Variants in MCCC1 observed in about 807,000 individuals in gnomAD.
MCCC1 encodes methylcrotonoyl-CoA carboxylase subunit alpha, mitochondrial.
In MCCC1, 64 loss-of-function variants were observed where a neutral mutation model predicts 83.8. That is an observed-to-expected ratio of 0.76 (90% CI 0.62 to 0.94). The LOEUF is 0.94. Ranked by LOEUF, MCCC1 falls within the 40% of genes least tolerant of loss-of-function variation. MCCC1 has a pLI of 0.00. For missense variants in MCCC1, 807 were observed against 904.7 expected (o/e 0.89, Z 1.39); for synonymous variants, 322 against 315.4 (o/e 1.02, Z -0.22).
At chr3:183,072,508 A>T (rs1716773192) in intron 4 of MCCC1, 21 bp from the exon 5 acceptor site, 3 of 1,612,588 alleles carry the variant, frequency 1.9e-6, no homozygotes, top group African/African-American at 2.7e-5. Context: ...GAAATAAAAT[A>T]AAAAATTTAC....
Position 183,016,074 on chromosome 3 carries a change from G to A in MCCC1, c.2050-508C>T, listed in dbSNP as rs1711597653. Among the ~76,000 whole-genome samples, 4 of 149,440 alleles carry A rather than the reference G, an allele frequency of 2.7e-5. 1 individual carries two copies. The South Asian group carries it at 8.5e-4, about 32-fold the overall frequency. The stretch of plus-strand genomic sequence containing the variant: ...CTCCCAAGTAACTGGGACTACAGGT[G>A]TGTGCCACCACACCTGGCTAATTTT... On this transcript the variant is annotated intron_variant, in intron 18 of 18. Coordinates refer to ENST00000265594, the MANE Select transcript of MCCC1 (RefSeq NM_020166.5).
In MCCC1 at chr3:183,062,696, T is replaced by C. The variant is rs868047477; in HGVS notation, c.762-5274A>G. Among the ~76,000 whole-genome samples the C allele has an allele frequency of 5.9e-5, 9 of 152,288 alleles. No homozygotes were observed. The Middle Eastern group carries it at 0.01, about 173-fold the overall frequency. On this transcript the variant is annotated intron_variant, in intron 7 of 18. Transcript: ENST00000265594. ...AAGTTGGAAACACTTTTCCTTTGGC[T>C]GCTTATAAGGGAAGTTCAGTGAAGA...
chr3:183,098,886 G>T (rs1718933973), intron 1 of MCCC1: 1 of 211,990 alleles, frequency 4.7e-6, no homozygotes, highest in African/African-American at 2.3e-5. Context: ...CACCTGATGG[G>T]GCACAGCTGA....
chr3:183,096,347 T>A (rs113118565), intron 1 of MCCC1, among the ~76,000 whole-genome samples: 10,406 of 150,476 alleles, frequency 0.069, 838 homozygotes, highest in African/African-American at 0.2. Context: ...AAAAAAAAAA[T>A]AAATAAATAA....
At chr3:183,083,183 T>A (rs1227762895) in intron 4 of MCCC1, among the ~76,000 whole-genome samples, 1 of 152,208 alleles carries the variant, frequency 6.6e-6, no homozygotes, top group Non-Finnish European at 1.5e-5. Flanking sequence ...ATACAAGTGT[T>A]ATTCAATGTC....
intron 7 of MCCC1, 63 bp downstream of exon 7, chr3:183,070,936 T>C: frequency 6.6e-7 from 1 of 1,511,888 alleles, no homozygotes; most frequent in Non-Finnish European, 9.0e-7. Context: ...TTATAGAATG[T>C]GCATGCATTA....
At chr3:183,089,122 C>T (rs1718129764) in intron 3 of MCCC1, among the ~76,000 whole-genome samples, 1 of 152,146 alleles carries the variant, frequency 6.6e-6, no homozygotes, top group Admixed American at 6.5e-5. Flanking sequence ...CATCAACATA[C>T]CAGTTTCTAA....
At chr3:183,071,403 A>G in intron 5 of MCCC1, 46 bp from the exon 6 acceptor site, 1 of 1,613,518 alleles carries the variant, frequency 6.2e-7, no homozygotes, top group Middle Eastern at 1.6e-4. Context: ...TCTACAAATT[A>G]TTTCATTCAA....
chr3:183,099,142 G>A, intron 1 of MCCC1: 2 of 614,820 alleles, frequency 3.3e-6, no homozygotes, highest in South Asian at 1.9e-5. Context: ...AAGCGTGGAT[G>A]TGCGGAAGCG....
chr3:183,089,679 G>A (rs748400770), intron 3 of MCCC1, among the ~76,000 whole-genome samples: 3 of 152,100 alleles, frequency 2.0e-5, no homozygotes, highest in Non-Finnish European at 2.9e-5. Flanking sequence ...GAAGTGGAAA[G>A]AAATGTTTGG....
At chr3:183,106,300 A>G (rs1020240710) in intron 1 of MCCC1, among the ~76,000 whole-genome samples, 2 of 152,134 alleles carry the variant, frequency 1.3e-5, no homozygotes, top group Non-Finnish European at 2.9e-5. Flanking sequence ...CTCCCATTGC[A>G]ATGGCTTATT....
intron 17 of MCCC1, chr3:183,017,742 C>T: frequency 4.3e-6 from 1 of 234,866 alleles, no homozygotes; most frequent in Non-Finnish European, 8.4e-6. Context: ...CTGAGACCTA[C>T]AGCCCAAATG....
upstream of MCCC1, among the ~76,000 whole-genome samples, chr3:183,100,353 C>T (rs1719151256): frequency 6.6e-6 from 1 of 152,168 alleles, no homozygotes; most frequent in African/African-American, 2.4e-5. Flanking sequence ...AAAATTTAAG[C>T]AAACCGTTAC....
upstream of MCCC1, among the ~76,000 whole-genome samples, chr3:183,103,123 C>T (rs1349946441): frequency 6.6e-6 from 1 of 151,618 alleles, no homozygotes. Context: ...GGAGTTTTTT[C>T]CTTCTGGTGG....
chr3:183,055,705 G>C (rs1253684964), intron 8 of MCCC1, among the ~76,000 whole-genome samples: 2 of 151,846 alleles, frequency 1.3e-5, no homozygotes, highest in Non-Finnish European at 2.9e-5. Context: ...AGACCAGCGT[G>C]GTCAACACAG....
chr3:183,088,577 C>T (rs371050488), intron 3 of MCCC1, among the ~76,000 whole-genome samples: 12 of 152,144 alleles, frequency 7.9e-5, no homozygotes, highest in South Asian at 2.1e-4. Context: ...ATAATACAAA[C>T]GCAAAGTAGC....
At chr3:183,050,702 T>A (rs1714904629) in intron 9 of MCCC1, among the ~76,000 whole-genome samples, 1 of 106,870 alleles carries the variant, frequency 9.4e-6, no homozygotes, top group African/African-American at 4.2e-5. Context: ...TGAGACTCTG[T>A]CTCAAAAAAA....
chr3:183,031,962 A>G (rs1713119096), intron 14 of MCCC1, among the ~76,000 whole-genome samples: 1 of 152,026 alleles, frequency 6.6e-6, no homozygotes, highest in South Asian at 2.1e-4. Flanking sequence ...AGCCACTGTG[A>G]CCAGCCTGGT....
intron 4 of MCCC1, among the ~76,000 whole-genome samples, chr3:183,076,753 C>T (rs1717105272): frequency 6.6e-6 from 1 of 152,126 alleles, no homozygotes; most frequent in African/African-American, 2.4e-5. Context: ...AATTCATATA[C>T]CATAAACTCG....
Sources: gnomAD v4.1 joint callset for allele counts (sites outside exome capture counted in the v4.1 genomes callset) on GRCh38, gnomAD v4.1.1 for gene constraint, MANE v1.5 for transcripts, NCBI Gene and HGNC (gene_info 2026-07-23, HGNC 2026-07-21) for gene names.